The following ADGRL3 variants were observed in gnomAD, a reference collection of about 807,000 sequenced individuals.
The protein encoded by ADGRL3 is adhesion G protein-coupled receptor L3.
ADGRL3 carries 62 observed loss-of-function variants against 153.5 expected under a neutral mutation model. The observed-to-expected ratio is 0.40, with a 90% CI of 0.33 to 0.50. ADGRL3 has a LOEUF of 0.50. Among genes scored for constraint, ADGRL3 ranks in the 20% least tolerant of loss-of-function variants. The probability of loss-of-function intolerance (pLI) is 0.47; values close to 1 mark genes in which losing one functional copy is unlikely to be tolerated. For missense variants in ADGRL3, 1,641 were observed against 1,859.4 expected (o/e 0.88, Z 2.16); for synonymous variants, 710 against 672.5 (o/e 1.06, Z -0.86).
intron 2 of ADGRL3, among the ~76,000 whole-genome samples, chr4:61,450,105 G>A (rs142438374): frequency 1.3e-4 from 20 of 152,156 alleles, no homozygotes; most frequent in South Asian, 4.1e-4. Context: ...GCTCAGGGAC[G>A]GTGTGGTATA....
At chr4:61,642,587 C>T (rs2093735087) in intron 5 of ADGRL3, among the ~76,000 whole-genome samples, 1 of 152,136 alleles carries the variant, frequency 6.6e-6, no homozygotes, top group Non-Finnish European at 1.5e-5. Context: ...CGTCAAATAT[C>T]AGATAGTTGT....
intron 6 of ADGRL3, among the ~76,000 whole-genome samples, chr4:61,729,068 G>A (rs2096396149): frequency 6.6e-6 from 1 of 151,744 alleles, no homozygotes; most frequent in South Asian, 2.1e-4. Flanking sequence ...AGGGAGGGAG[G>A]GGGGTGAGGG....
intron 23 of ADGRL3, among the ~76,000 whole-genome samples, chr4:62,033,392 C>G (rs1373760987): frequency 6.6e-6 from 1 of 151,620 alleles, no homozygotes; most frequent in African/African-American, 2.4e-5. Context: ...GTCTGCCACA[C>G]TTAATGTATT....
At chr4:61,962,359 A>T (rs974803143) in intron 17 of ADGRL3, among the ~76,000 whole-genome samples, 7 of 152,216 alleles carry the variant, frequency 4.6e-5, no homozygotes, top group African/African-American at 1.7e-4. Context: ...ACATTGATAC[A>T]ATACTATAAT....
At chr4:61,333,831 G>A (rs2095622764) in intron 1 of ADGRL3, among the ~76,000 whole-genome samples, 1 of 151,894 alleles carries the variant, frequency 6.6e-6, no homozygotes, top group Admixed American at 6.6e-5. Flanking sequence ...GCCCAGGCTG[G>A]TCTCAAACTC....
chr4:61,951,399 C>G (rs1053164854), intron 17 of ADGRL3, among the ~76,000 whole-genome samples: 2 of 152,142 alleles, frequency 1.3e-5, no homozygotes, highest in Admixed American at 6.5e-5. Context: ...GTTGGGGGCT[C>G]TCTTTCCAGG....
intron 8 of ADGRL3, among the ~76,000 whole-genome samples, chr4:61,734,523 C>A (rs901437515): frequency 4.6e-5 from 7 of 152,020 alleles, no homozygotes; most frequent in African/African-American, 1.7e-4. Flanking sequence ...GGGAAGAGTC[C>A]CTTATAAAGC....
intron 6 of ADGRL3, among the ~76,000 whole-genome samples, chr4:61,701,793 T>C (rs2151315113): frequency 6.6e-6 from 1 of 152,160 alleles, no homozygotes; most frequent in African/African-American, 2.4e-5. Flanking sequence ...CCTTCTTTTT[T>C]TAATCTAAAA....
intron 17 of ADGRL3, among the ~76,000 whole-genome samples, chr4:61,965,707 T>C (rs998011830): frequency 1.3e-5 from 2 of 151,884 alleles, no homozygotes; most frequent in South Asian, 2.1e-4. Context: ...GCTGAGATCA[T>C]GCCACTGCAC....
chr4:62,007,402 ATATACACG>A (rs2099164214), intron 21 of ADGRL3, among the ~76,000 whole-genome samples: 1 of 117,548 alleles, frequency 8.5e-6, no homozygotes, highest in East Asian at 2.4e-4. Context: ...ACACATATAT[ATATACACG>A]TATATATATA....
intron 13 of ADGRL3, among the ~76,000 whole-genome samples, chr4:61,934,559 T>C (rs1207100750): frequency 6.6e-6 from 1 of 152,230 alleles, no homozygotes; most frequent in Non-Finnish European, 1.5e-5. Flanking sequence ...CATAGTCTTG[T>C]TGAAGCTTGT....
At chr4:62,049,661 C>G (rs889030350) in intron 25 of ADGRL3, among the ~76,000 whole-genome samples, 1 of 152,082 alleles carries the variant, frequency 6.6e-6, no homozygotes, top group Non-Finnish European at 1.5e-5. Flanking sequence ...GGCATTACTA[C>G]CTACTGAAAA....
intron 2 of ADGRL3, among the ~76,000 whole-genome samples, chr4:61,439,879 A>G (rs1395190382): frequency 7.9e-5 from 12 of 151,696 alleles, no homozygotes; most frequent in Non-Finnish European, 1.5e-4. Context: ...TTTCCATTCC[A>G]TCCTCTCTTT....
At chr4:61,774,427 AAAT>A (rs1209343468) in intron 8 of ADGRL3, among the ~76,000 whole-genome samples, 19 of 151,990 alleles carry the variant, frequency 1.3e-4, no homozygotes, top group South Asian at 8.3e-4. Flanking sequence ...TAAAAATAAA[AAAT>A]AATACGATTT....
intron 24 of ADGRL3, among the ~76,000 whole-genome samples, chr4:62,038,404 G>A (rs77895915): frequency 0.024 from 3,614 of 152,122 alleles, 159 homozygotes; most frequent in African/African-American, 0.083. Flanking sequence ...AGCACTAGAC[G>A]TAGCAGTATA....
chr4:62,000,971 A>G (rs1376506815), intron 21 of ADGRL3, among the ~76,000 whole-genome samples: 1 of 151,812 alleles, frequency 6.6e-6, no homozygotes, highest in Non-Finnish European at 1.5e-5. Context: ...TTTTATAGAG[A>G]TGGGCTTTCA....
chr4:61,890,683 C>T (rs1309452849), intron 9 of ADGRL3, among the ~76,000 whole-genome samples: 1 of 152,176 alleles, frequency 6.6e-6, no homozygotes, highest in Non-Finnish European at 1.5e-5. Flanking sequence ...TTCCACTTTT[C>T]AACACTCTTA....
intron 18 of ADGRL3, among the ~76,000 whole-genome samples, chr4:61,982,625 T>C (rs2099072334): frequency 6.6e-6 from 1 of 152,180 alleles, no homozygotes. Context: ...AAATTGATAG[T>C]TGGTCAGCTG....
intron 1 of ADGRL3, among the ~76,000 whole-genome samples, chr4:61,258,800 C>T (rs370157247): frequency 3.3e-5 from 5 of 152,166 alleles, no homozygotes; most frequent in South Asian, 2.1e-4. Flanking sequence ...GCTACCTCAA[C>T]GGTAATCACT....
Sources: allele counts gnomAD v4.1 joint callset (sites outside exome capture counted in the v4.1 genomes callset), GRCh38; gene constraint gnomAD v4.1.1; transcripts MANE v1.5; gene names NCBI Gene and HGNC (gene_info 2026-07-23, HGNC 2026-07-21).